Variants in PTPN4 observed in about 807,000 individuals in gnomAD.
PTPN4 encodes protein tyrosine phosphatase non-receptor type 4, also known as tyrosine-protein phosphatase non-receptor type 4.
PTPN4 carries 49 observed loss-of-function variants against 135.5 expected under a neutral mutation model. The ratio of observed to expected loss-of-function variants is 0.36; its 90% CI spans 0.29 to 0.46. The LOEUF is 0.46. Among genes scored for constraint, PTPN4 ranks in the 20% least tolerant of loss-of-function variants. PTPN4 has a pLI of 1.00. For missense variants in PTPN4, 860 were observed against 1,101.0 expected (o/e 0.78, Z 3.10); for synonymous variants, 333 against 369.9 (o/e 0.90, Z 1.14).
chr2:119,968,179 A>G (rs1158330604), intron 26 of PTPN4, among the ~76,000 whole-genome samples: 1 of 152,220 alleles, frequency 6.6e-6, no homozygotes, highest in Non-Finnish European at 1.5e-5. Flanking sequence ...TTTTAGTGGA[A>G]CACAGCCATG....
chr2:119,943,580 CTTTTTTTTTTTTT>C (rs70949374), intron 15 of PTPN4, among the ~76,000 whole-genome samples: 1 of 79,918 alleles, frequency 1.3e-5, no homozygotes, highest in African/African-American at 5.0e-5. Context: ...TCATTTTTTT[CTTTTTTTTTTTTT>C]TTTTTTTTTT....
intron 15 of PTPN4, among the ~76,000 whole-genome samples, chr2:119,943,294 C>T (rs1285835966): frequency 6.6e-6 from 1 of 152,190 alleles, no homozygotes. Context: ...TAAGCTTACA[C>T]CTCCTCTACA....
chr2:119,799,314 A>G (rs1386749969), intron 1 of PTPN4, among the ~76,000 whole-genome samples: 1 of 152,254 alleles, frequency 6.6e-6, no homozygotes, highest in East Asian at 1.9e-4. Flanking sequence ...GCTTCTTAGT[A>G]TTGGAAATAT....
At chr2:119,968,781 G>A (rs1679483762) in intron 26 of PTPN4, among the ~76,000 whole-genome samples, 1 of 151,896 alleles carries the variant, frequency 6.6e-6, no homozygotes, top group African/African-American at 2.4e-5. Flanking sequence ...GACAGAGTGC[G>A]ACTCAGTCTC....
At chr2:119,923,008 C>T (rs190609961) in intron 12 of PTPN4, among the ~76,000 whole-genome samples, 7 of 152,228 alleles carry the variant, frequency 4.6e-5, no homozygotes, top group East Asian at 3.9e-4. Flanking sequence ...AATGTTGCTT[C>T]TCTCATTCTT....
chr2:119,968,643 A>T (rs1488714358), intron 26 of PTPN4, among the ~76,000 whole-genome samples: 1 of 152,058 alleles, frequency 6.6e-6, no homozygotes, highest in Non-Finnish European at 1.5e-5. Context: ...TGCAAAAAAA[A>T]TAGCCGGGCA....
chr2:119,836,623 A>G (rs1022970982), intron 2 of PTPN4, among the ~76,000 whole-genome samples: 2 of 152,210 alleles, frequency 1.3e-5, no homozygotes, highest in Admixed American at 1.3e-4. Context: ...GGGCAACTGC[A>G]GCTGCCCAGC....
chr2:119,775,831 CT>C (rs1690826072), intron 1 of PTPN4, among the ~76,000 whole-genome samples: 1 of 149,526 alleles, frequency 6.7e-6, no homozygotes, highest in African/African-American at 2.5e-5. Flanking sequence ...ATATCTATAT[CT>C]ATATCTATAT....
chr2:119,802,086 G>T (rs937022131), intron 1 of PTPN4, among the ~76,000 whole-genome samples: 11 of 151,852 alleles, frequency 7.2e-5, no homozygotes, highest in African/African-American at 2.7e-4. Flanking sequence ...TGTATTTTTA[G>T]GAGAGACGGG....
intron 1 of PTPN4, among the ~76,000 whole-genome samples, chr2:119,785,239 G>A (rs11681963): frequency 0.27 from 41,083 of 151,922 alleles, 5,624 homozygotes; most frequent in South Asian, 0.33. Flanking sequence ...CTCTACATTC[G>A]TGTTTCTCAA....
intron 2 of PTPN4, among the ~76,000 whole-genome samples, chr2:119,818,197 T>C (rs1413021501): frequency 2.6e-5 from 4 of 152,208 alleles, no homozygotes; most frequent in Non-Finnish European, 5.9e-5. Flanking sequence ...TCCAATACTA[T>C]GTTGAATAGG....
intron 2 of PTPN4, among the ~76,000 whole-genome samples, chr2:119,858,049 T>G (rs1465335402): frequency 6.6e-6 from 1 of 152,230 alleles, no homozygotes; most frequent in Non-Finnish European, 1.5e-5. Flanking sequence ...CTTTTACTCC[T>G]GCTCTTGCCG....
At chr2:119,961,677 T>G (rs1197794104) in intron 23 of PTPN4, among the ~76,000 whole-genome samples, 1 of 152,208 alleles carries the variant, frequency 6.6e-6, no homozygotes, top group African/African-American at 2.4e-5. Context: ...AAATGTGGTA[T>G]AGTCTTATGG....
At chr2:119,789,185 T>C (rs1434346380) in intron 1 of PTPN4, among the ~76,000 whole-genome samples, 2 of 152,168 alleles carry the variant, frequency 1.3e-5, no homozygotes, top group Non-Finnish European at 2.9e-5. Context: ...ATTAGTGATA[T>C]TGAGCATCTT....
At chr2:119,973,655 G>T (rs13010095) in intron 26 of PTPN4, among the ~76,000 whole-genome samples, 1,405 of 38,092 alleles carry the variant, frequency 0.037, 5 homozygotes, top group South Asian at 0.072. Flanking sequence ...TTCATTTCTT[G>T]TTTTTTTTTT....
chr2:119,787,399 TTAAG>T (rs1372640197), intron 1 of PTPN4, among the ~76,000 whole-genome samples: 2 of 152,220 alleles, frequency 1.3e-5, no homozygotes, highest in East Asian at 1.9e-4. Flanking sequence ...ACTTTAATGT[TTAAG>T]TAGTATTCTT....
chr2:119,883,163 C>G (rs1182732199), intron 8 of PTPN4, among the ~76,000 whole-genome samples: 1 of 152,070 alleles, frequency 6.6e-6, no homozygotes, highest in African/African-American at 2.4e-5. Flanking sequence ...CACCTGATCC[C>G]ATGTAATGGG....
At chr2:119,836,842 C>T (rs1044742893) in intron 2 of PTPN4, among the ~76,000 whole-genome samples, 2 of 152,230 alleles carry the variant, frequency 1.3e-5, no homozygotes, top group African/African-American at 4.8e-5. Flanking sequence ...CACCAGCCTC[C>T]TTCTGCCTCG....
In PTPN4 at chr2:119,955,298, C is replaced by T. The variant is rs753591690; in HGVS notation, c.1955C>T (p.Thr652Ile). The T allele has an allele frequency of 6.2e-6, 10 of 1,610,302 alleles. No homozygotes were observed. The highest frequency in any genetic ancestry group is 8.5e-6 in the Non-Finnish European group (10 of 1,178,846). The change falls in exon 20 of 27, where the codon ACT (threonine) becomes ATT (isoleucine). Residue 652 changes from threonine (T) to isoleucine (I), a missense_variant. Coordinates refer to ENST00000263708, the MANE Select transcript of PTPN4 (RefSeq NM_002830.4). ...SMIQLAEGLI[T>I]GTVLTQFDQL... ...ATCCAGCTAGCTGAGGGGCTTATCA[C>T]TGGAACAGTCCTGACACAGTTTGAT...
Sources: gnomAD v4.1 joint callset for allele counts (sites outside exome capture counted in the v4.1 genomes callset) on GRCh38, gnomAD v4.1.1 for gene constraint, MANE v1.5 for transcripts, NCBI Gene and HGNC (gene_info 2026-07-23, HGNC 2026-07-21) for gene names.